DTNA: variants seen among roughly 807,000 people sequenced by gnomAD.
DTNA encodes dystrophin-related protein 3.
Under a neutral mutation model 100.7 loss-of-function variants are expected in DTNA, and 43 were observed. The ratio of observed to expected loss-of-function variants is 0.43; its 90% CI spans 0.33 to 0.55. The LOEUF is 0.55. Ranked by LOEUF, DTNA falls within the 20% of genes least tolerant of loss-of-function variation. The probability of loss-of-function intolerance (pLI) is 0.04; values close to 1 mark genes in which losing one functional copy is unlikely to be tolerated. For missense variants in DTNA, 798 were observed against 953.9 expected (o/e 0.84, Z 2.15); for synonymous variants, 349 against 347.9 (o/e 1.00, Z -0.04).
chr18:34,727,629 A>C (rs903256381), intron 1 of DTNA, among the ~76,000 whole-genome samples: 3 of 152,086 alleles, frequency 2.0e-5, no homozygotes, highest in African/African-American at 7.2e-5. Flanking sequence ...CAGTGCCTCA[A>C]TCTTGGCTCA....
chr18:34,890,557 C>A lies in DTNA; in HGVS notation c.*2823C>A. 1.4e-6 allele frequency: 2 copies of A among 1,446,594 alleles called. No individual in the cohort carries two copies. The highest frequency in any genetic ancestry group is 1.9e-6 in the Non-Finnish European group (2 of 1,080,914). The allele number at this position is 1,446,594 out of a possible 1,614,324, so 89.6% of individuals were successfully genotyped here. A position where few individuals can be genotyped will look rare whatever the true frequency, so the allele number is the denominator to read the frequency against. ...CATCCATCTCCATCAGAGCTGATAG[C>A]CTGTTAATAAGCACTGGTCTAACAC... On this transcript the variant is annotated 3_prime_UTR_variant, in exon 23 of 23. Coordinates refer to ENST00000444659, the MANE Select transcript of DTNA (RefSeq NM_001386795.1).
At chr18:34,718,261 T>C (rs531511223) in intron 1 of DTNA, among the ~76,000 whole-genome samples, 1 of 152,298 alleles carries the variant, frequency 6.6e-6, no homozygotes, top group South Asian at 2.1e-4. Context: ...CAATTTTGTT[T>C]GGGGATGTAA....
intron 13 of DTNA, among the ~76,000 whole-genome samples, chr18:34,844,171 C>T (rs2096330091): frequency 6.6e-6 from 1 of 152,100 alleles, no homozygotes; most frequent in African/African-American, 2.4e-5. Flanking sequence ...ATGACCTCAA[C>T]TGTAACATAG....
chr18:34,611,402 C>T (rs1005683155), intron 1 of DTNA, among the ~76,000 whole-genome samples: 2 of 152,168 alleles, frequency 1.3e-5, no homozygotes, highest in African/African-American at 2.4e-5. Flanking sequence ...GAAGTTTCCT[C>T]CAGTCTCAGG....
At chr18:34,788,195 C>T (rs1159392410) in intron 3 of DTNA, among the ~76,000 whole-genome samples, 2 of 152,100 alleles carry the variant, frequency 1.3e-5, no homozygotes, top group East Asian at 3.9e-4. Flanking sequence ...ATTTAACTAG[C>T]ACAGCAGTAA....
At chr18:34,655,963 G>A (rs1264490535) in intron 1 of DTNA, among the ~76,000 whole-genome samples, 1 of 152,198 alleles carries the variant, frequency 6.6e-6, no homozygotes, top group Non-Finnish European at 1.5e-5. Flanking sequence ...GAGCACAAAA[G>A]GGAGGCTTTA....
chr18:34,505,501 G>A (rs2040400027), intron 1 of DTNA, among the ~76,000 whole-genome samples: 2 of 152,130 alleles, frequency 1.3e-5, no homozygotes, highest in African/African-American at 4.8e-5. Context: ...GGTTTCTGAG[G>A]CTTTCTTTCT....
intron 17 of DTNA, chr18:34,866,926 G>A: frequency 3.5e-6 from 4 of 1,153,916 alleles, no homozygotes; most frequent in Non-Finnish European, 4.2e-6. Flanking sequence ...GCCTAAACTG[G>A]AGCTGTCTGA....
rs73412422 is a variant in DTNA at position 34,620,458 on chromosome 18, G to A, written c.-2+126944G>A. Among the ~76,000 whole-genome samples, 372 of 152,268 alleles carry A rather than the reference G, an allele frequency of 2.4e-3. 3 individuals are homozygous for A. Among genetic ancestry groups the A allele is most frequent in the African/African-American group, 8.4e-3 (349 of 41,552 alleles). On this transcript the variant is annotated intron_variant, in intron 1 of 19. Coordinates refer to the DTNA transcript ENST00000283365. ...GAATCTCTAGAACAGGTATTTGTGC[G>A]AAATACAGCTTACTCATCGTATTAG...
chr18:34,564,661 G>T (rs1450843772), intron 1 of DTNA, among the ~76,000 whole-genome samples: 4 of 152,162 alleles, frequency 2.6e-5, no homozygotes, highest in African/African-American at 9.7e-5. Context: ...GAGGTGTATT[G>T]TGTTTCTTAA....
At chr18:34,502,153 T>C (rs9965622) in intron 1 of DTNA, among the ~76,000 whole-genome samples, 25,040 of 152,194 alleles carry the variant, frequency 0.16, 2,270 homozygotes, top group South Asian at 0.22. Context: ...CAAATTTATT[T>C]GTGTAGAATT....
intron 1 of DTNA, among the ~76,000 whole-genome samples, chr18:34,575,543 C>G (rs2048030867): frequency 6.7e-6 from 1 of 150,318 alleles, no homozygotes; most frequent in African/African-American, 2.4e-5. Flanking sequence ...AAATTTCAAC[C>G]TCCTTTTTTT....
At chr18:34,609,612 T>A (rs16965641) in intron 1 of DTNA, among the ~76,000 whole-genome samples, 7 of 152,328 alleles carry the variant, frequency 4.6e-5, no homozygotes, top group Admixed American at 2.0e-4. Flanking sequence ...GGGTGCCTGA[T>A]ATAGCTACTG....
chr18:34,544,676 T>C (rs530292845), intron 1 of DTNA, among the ~76,000 whole-genome samples: 1 of 152,110 alleles, frequency 6.6e-6, no homozygotes, highest in Non-Finnish European at 1.5e-5. Context: ...ATAACATCTT[T>C]AGAATCTAGT....
intron 1 of DTNA, among the ~76,000 whole-genome samples, chr18:34,520,008 A>C (rs975967656): frequency 1.3e-5 from 2 of 152,190 alleles, no homozygotes; most frequent in Non-Finnish European, 2.9e-5. Flanking sequence ...GTACAGTTCT[A>C]GAAGAAGCTG....
chr18:34,755,765 C>A, intron 1 of DTNA: 1 of 529,522 alleles, frequency 1.9e-6, no homozygotes, highest in South Asian at 2.2e-5. Flanking sequence ...AATTTTATCC[C>A]CCCTCCAACA....
chr18:34,838,895 G>T, intron 13 of DTNA, 58 bp downstream of exon 13: 1 of 1,506,038 alleles, frequency 6.6e-7, no homozygotes, highest in South Asian at 1.1e-5. Context: ...CTGAGCTGGT[G>T]ACAAGCAGTC....
At chr18:34,794,697 A>T (rs1180583193) in intron 4 of DTNA, among the ~76,000 whole-genome samples, 4 of 152,232 alleles carry the variant, frequency 2.6e-5, no homozygotes, top group African/African-American at 9.6e-5. Flanking sequence ...TGACTATCCC[A>T]GTCAAAGTAA....
intron 1 of DTNA, among the ~76,000 whole-genome samples, chr18:34,632,978 CATAG>C (rs151279613): frequency 0.018 from 2,775 of 151,972 alleles, 80 homozygotes; most frequent in African/African-American, 0.063. Context: ...AAAACTGAGA[CATAG>C]AGAGGATTAA....
Sources: gnomAD v4.1 joint callset for allele counts (sites outside exome capture counted in the v4.1 genomes callset) on GRCh38, gnomAD v4.1.1 for gene constraint, MANE v1.5 for transcripts, NCBI Gene and HGNC (gene_info 2026-07-23, HGNC 2026-07-21) for gene names.